FREM2: variants seen among roughly 807,000 people sequenced by gnomAD.
FREM2 encodes FRAS1 related extracellular matrix 2.
FREM2 carries 119 observed loss-of-function variants against 219.9 expected under a neutral mutation model. That is an observed-to-expected ratio of 0.54 (90% CI 0.47 to 0.63). The LOEUF (loss-of-function observed/expected upper bound fraction) is 0.63, where lower values mean the gene tolerates loss of function less well. Among genes scored for constraint, FREM2 ranks in the 30% least tolerant of loss-of-function variants. FREM2 has a pLI of 0.00. For missense variants in FREM2, 4,030 were observed against 3,993.6 expected, an observed-to-expected ratio of 1.01 and a Z score of -0.25; for synonymous variants, 1,562 against 1,522.8, an observed-to-expected ratio of 1.03 and a Z score of -0.60.
rs1027708366 is a variant in FREM2, at chr13:38,769,948, T to A, written c.5641+140T>A. 12 of 719,562 alleles carry A rather than the reference T, an allele frequency of 1.7e-5. No homozygotes were observed. In the South Asian group the frequency reaches 1.8e-4, roughly 11 times the overall value. 44.6% of individuals were successfully genotyped at this position (719,562 alleles called of 1,614,324 possible). A position where few individuals can be genotyped will look rare whatever the true frequency, so the allele number is the denominator to read the frequency against. ...AACCTTCTAGATTAATGATTCATTA[T>A]TCTCAGATGTGTTGACAGGAAAATG... On this transcript the variant is annotated intron_variant, in intron 4 of 23. Coordinates refer to ENST00000280481, the MANE Select transcript of FREM2 (RefSeq NM_207361.6).
Position 38,880,915 on chromosome 13 carries a change from T to C in FREM2, c.*128T>C, listed in dbSNP as rs999594830. ...GATGAAGCTGCTTAGAGAATATGACTGTACTAATGGAGTTTGATTTGAATT... is the reference window on the plus strand; with the variant it reads ...GATGAAGCTGCTTAGAGAATATGACCGTACTAATGGAGTTTGATTTGAATT... On this transcript the variant is annotated 3_prime_UTR_variant, in exon 24 of 24. Coordinates refer to ENST00000280481, the MANE Select transcript of FREM2 (RefSeq NM_207361.6). The C allele has an allele frequency of 1.0e-5, 11 of 1,093,944 alleles. No individual in the cohort carries two copies. Among genetic ancestry groups the C allele is most frequent in the Non-Finnish European group, 1.5e-5 (11 of 735,360 alleles). 67.8% of individuals were successfully genotyped at this position (1,093,944 alleles called of 1,614,324 possible).
intron 2 of FREM2, among the ~76,000 whole-genome samples, chr13:38,754,889 G>GATTATTATTATTATTATTATT (rs1437549301): frequency 1.2e-5 from 1 of 82,276 alleles, no homozygotes; most frequent in African/African-American, 4.8e-5. Flanking sequence ...TGATGATGAT[G>GATTATTATTATTATTATTATT]ATGATGATGA....
chr13:38,817,557 A>G (rs1875816663), intron 6 of FREM2, among the ~76,000 whole-genome samples: 1 of 152,112 alleles, frequency 6.6e-6, no homozygotes, highest in South Asian at 2.1e-4. Context: ...TATATATAAA[A>G]ATCAACTCAA....
intron 11 of FREM2, among the ~76,000 whole-genome samples, 157 bp from the exon 12 acceptor site, chr13:38,855,969 A>ATT (rs1877538287): frequency 6.8e-6 from 1 of 146,240 alleles, no homozygotes; most frequent in Admixed American, 6.7e-5. Flanking sequence ...TTTGTTAAAC[A>ATT]TTTGATTTCA....
At chr13:38,830,433 T>G (rs1876462216) in intron 6 of FREM2, among the ~76,000 whole-genome samples, 2 of 152,182 alleles carry the variant, frequency 1.3e-5, no homozygotes, top group Non-Finnish European at 2.9e-5. Context: ...TCACTGTTTC[T>G]CTGAATTGCA....
At chr13:38,698,753 C>T (rs751009252) in intron 2 of FREM2, among the ~76,000 whole-genome samples, 1 of 152,070 alleles carries the variant, frequency 6.6e-6, no homozygotes, top group Non-Finnish European at 1.5e-5. Context: ...TGCATCCTTA[C>T]CCTCCATGTT....
At chr13:38,839,425 A>G (rs1471961550) in intron 6 of FREM2, among the ~76,000 whole-genome samples, 4 of 152,184 alleles carry the variant, frequency 2.6e-5, no homozygotes, top group African/African-American at 9.6e-5. Context: ...TCTCCCCATC[A>G]GGAGGCATGG....
rs564618696 is a variant in FREM2, at chr13:38,864,219, G to T, written c.7652-56G>T. On this transcript the variant is annotated intron_variant, in intron 15 of 23. Transcript: ENST00000280481. ...TTAAGAGATAAAGAAGTTTTAAAGTGTTCAAAATTCTTGGCTACTTGAAAG... is the reference window on the plus strand; with the variant it reads ...TTAAGAGATAAAGAAGTTTTAAAGTTTTCAAAATTCTTGGCTACTTGAAAG... 2.2e-6 allele frequency: 3 copies of T among 1,368,232 alleles called. No homozygotes were observed. The Admixed American group carries it at 5.1e-5, about 23-fold the overall frequency. 84.8% of individuals were successfully genotyped at this position (1,368,232 alleles called of 1,614,324 possible). A position where few individuals can be genotyped will look rare whatever the true frequency, so the allele number is the denominator to read the frequency against.
At position 38,858,013 on chromosome 13, in the gene FREM2, T is replaced by C. The variant is rs1464133717; in HGVS notation, c.7195T>C (p.Tyr2399His). Residue 2399 changes from tyrosine (Y) to histidine (H), a missense_variant, in exon 13 of 24, where the codon TAT (tyrosine) becomes CAT (histidine). Around this residue, in one of 2 missense-constraint regions of FREM2, gnomAD observed 928 missense variants for 1,042.9 expected, o/e 0.89. Transcript: ENST00000280481. ...GGAGAGTGCTGAACCCATGTCTGGC[T>C]ATCCTGTCATCTGTATCACAGTGAG... ...AKESAEPMSG[Y>H]PVICITACNP... 6.2e-7 allele frequency: 1 copy of C among 1,613,896 alleles called. No individual in the cohort carries two copies. The highest frequency in any genetic ancestry group is 1.7e-5 in the Admixed American group (1 of 60,004).
intron 2 of FREM2, among the ~76,000 whole-genome samples, chr13:38,743,799 G>T (rs984593763): frequency 3.3e-5 from 5 of 152,074 alleles, no homozygotes; most frequent in African/African-American, 7.2e-5. Context: ...CCACTATATT[G>T]TGAGCTTGCC....
In FREM2 at chr13:38,822,504, A is replaced by G. The variant is rs553199791; in HGVS notation, c.6020-24069A>G. On this transcript the variant is annotated intron_variant, in intron 6 of 23. Transcript: ENST00000280481. ...GATCCTATAAATACAAGATAAAATT[A>G]GAAGTGGTCTAGGTGTTGCTTTATG... 2.0e-5 allele frequency among the ~76,000 whole-genome samples: 3 copies of G among 152,192 alleles called. No individual in the cohort carries two copies. In the East Asian group the frequency reaches 5.8e-4, roughly 30 times the overall value.
Position 38,691,441 on chromosome 13 carries a change from T to C in FREM2, c.4097T>C (p.Leu1366Pro). ...ACTGGTGCCTTTGAAAATATCACAC[T>C]GGGCATGAATTTTACCCAGGATGAA... is the stretch of plus-strand genomic sequence containing the variant. ...KPTGAFENIT[L>P]GMNFTQDEVD... The change falls in exon 1 of 24, where the codon CTG (leucine) becomes CCG (proline). Residue 1366 changes from leucine (L) to proline (P), a missense_variant. Transcript: ENST00000280481. 6.2e-7 allele frequency: 1 copy of C among 1,614,156 alleles called. No individual in the cohort carries two copies. The highest frequency in any genetic ancestry group is 8.5e-7 in the Non-Finnish European group (1 of 1,180,010).
chr13:38,725,797 C>A (rs1459930179), intron 2 of FREM2, among the ~76,000 whole-genome samples: 1 of 152,156 alleles, frequency 6.6e-6, no homozygotes, highest in South Asian at 2.1e-4. Context: ...CAGGTTCAAG[C>A]GATTGGATGA....
intron 4 of FREM2, among the ~76,000 whole-genome samples, chr13:38,780,369 T>G (rs1874070531): frequency 6.6e-6 from 1 of 152,130 alleles, no homozygotes; most frequent in Non-Finnish European, 1.5e-5. Flanking sequence ...CTCAAATAGC[T>G]CTACCTTTAT....
At chr13:38,777,679 C>T (rs1873925259) in intron 4 of FREM2, among the ~76,000 whole-genome samples, 1 of 152,184 alleles carries the variant, frequency 6.6e-6, no homozygotes. Flanking sequence ...AGGAATTTTG[C>T]ACTTAAAGCT....
chr13:38,767,118 G>C (rs1873467456), intron 3 of FREM2, among the ~76,000 whole-genome samples: 1 of 152,154 alleles, frequency 6.6e-6, no homozygotes, highest in African/African-American at 2.4e-5. Flanking sequence ...CTTAATCACT[G>C]CACCATAGTG....
rs979405152 is a variant in FREM2, at chr13:38,883,849, A to G, written c.*3062A>G. 2.0e-5 allele frequency: 3 copies of G among 152,182 alleles called. No individual in the cohort carries two copies. Among genetic ancestry groups the G allele is most frequent in the African/African-American group, 7.2e-5 (3 of 41,454 alleles). 9.4% of individuals were successfully genotyped at this position (152,182 alleles called of 1,614,324 possible). On this transcript the variant is annotated 3_prime_UTR_variant, in exon 24 of 24. Transcript: ENST00000280481. ...ACTCTTGTTTGTCTAAAAGAGCCCT[A>G]CTGGGTATGGATCATTCTGATGACA...
chr13:38,848,771 T>C, intron 8 of FREM2, 101 bp downstream of exon 8: 1 of 1,062,878 alleles, frequency 9.4e-7, no homozygotes, highest in South Asian at 1.5e-5. Flanking sequence ...ATTTGTTTGT[T>C]TGCTAGGGCT....
intron 4 of FREM2, among the ~76,000 whole-genome samples, chr13:38,781,277 A>G (rs1053743224): frequency 1.3e-5 from 2 of 152,128 alleles, no homozygotes; most frequent in Non-Finnish European, 2.9e-5. Flanking sequence ...TAAGTTGTTC[A>G]TATGGGACAT....
Sources: gnomAD v4.1 joint callset for allele counts (sites outside exome capture counted in the v4.1 genomes callset) on GRCh38, gnomAD v4.1.1 for gene constraint, gnomAD v4.1.1 regional missense constraint, MANE v1.5 for transcripts, NCBI Gene and HGNC (gene_info 2026-07-23, HGNC 2026-07-21) for gene names.